Variants in ZSWIM6 observed in about 807,000 individuals in gnomAD.
ZSWIM6 encodes zinc finger SWIM domain-containing protein 6.
A neutral mutation model predicts 113.2 loss-of-function variants in ZSWIM6; 9 were observed. The observed-to-expected ratio is 0.08, with a 90% CI of 0.05 to 0.14. The LOEUF (loss-of-function observed/expected upper bound fraction) is 0.14, where lower values mean the gene tolerates loss of function less well. Among genes scored for constraint, ZSWIM6 ranks in the 10% least tolerant of loss-of-function variants. The probability of loss-of-function intolerance (pLI) is 1.00; values close to 1 mark genes in which losing one functional copy is unlikely to be tolerated. For missense variants in ZSWIM6, 1,162 were observed against 1,552.2 expected, an observed-to-expected ratio of 0.75 and a Z score of 4.22; for synonymous variants, 611 against 606.5, an observed-to-expected ratio of 1.01 and a Z score of -0.11.
rs567069417 is a variant in ZSWIM6 at position 61,429,741 on chromosome 5, G to C, written c.677-42940G>C. Among the ~76,000 whole-genome samples the C allele has an allele frequency of 4.6e-5, 7 of 152,240 alleles. No individual in the cohort carries two copies. The East Asian group carries it at 1.4e-3, about 29-fold the overall frequency. ...TTGTAGTGCAAGGTGTGGGAATGAA[G>C]GCTACTGTCTAGGAGGAAGAAGCAT... is the stretch of plus-strand genomic sequence containing the variant. On this transcript the variant is annotated intron_variant, in intron 1 of 13. Transcript: ENST00000252744.
chr5:61,530,759 C>T (rs1231145002), intron 8 of ZSWIM6, among the ~76,000 whole-genome samples: 1 of 152,172 alleles, frequency 6.6e-6, no homozygotes, highest in Non-Finnish European at 1.5e-5. Flanking sequence ...GGAGGTAAGG[C>T]AGGGAGTAAC....
intron 3 of ZSWIM6, among the ~76,000 whole-genome samples, 186 bp downstream of exon 3, chr5:61,491,120 T>C (rs1318288416): frequency 6.6e-6 from 1 of 152,080 alleles, no homozygotes; most frequent in Non-Finnish European, 1.5e-5. Context: ...AGACAAGATA[T>C]GGGATATTTT....
At chr5:61,539,395 A>G (rs1161742602) in intron 11 of ZSWIM6, among the ~76,000 whole-genome samples, 2 of 152,214 alleles carry the variant, frequency 1.3e-5, no homozygotes, top group Admixed American at 1.3e-4. Flanking sequence ...AGATTCACAG[A>G]CATTGCAGTA....
intron 1 of ZSWIM6, among the ~76,000 whole-genome samples, chr5:61,348,978 C>T (rs971417748): frequency 2.0e-5 from 3 of 151,826 alleles, no homozygotes; most frequent in East Asian, 1.9e-4. Context: ...ATGTAAAAAT[C>T]GGAGAAAATG....
chr5:61,460,056 C>G (rs1204723860), intron 1 of ZSWIM6, among the ~76,000 whole-genome samples: 1 of 152,172 alleles, frequency 6.6e-6, no homozygotes, highest in Non-Finnish European at 1.5e-5. Context: ...TTTTGTCTGG[C>G]ATTATAAGAA....
At chr5:61,541,825 C>T in intron 12 of ZSWIM6, 59 bp from the exon 13 acceptor site, 12 of 1,403,876 alleles carry the variant, frequency 8.5e-6, no homozygotes, top group South Asian at 1.3e-5. Context: ...TATCCCCCCC[C>T]TTTTTTTTCA....
intron 1 of ZSWIM6, among the ~76,000 whole-genome samples, chr5:61,427,496 T>C (rs1746485879): frequency 6.6e-6 from 1 of 152,168 alleles, no homozygotes; most frequent in Non-Finnish European, 1.5e-5. Context: ...TTTTTTCTTT[T>C]TTTATACAGT....
At chr5:61,521,083 A>G (rs1009554737) in intron 4 of ZSWIM6, among the ~76,000 whole-genome samples, 180 bp from the exon 5 acceptor site, 15 of 152,182 alleles carry the variant, frequency 9.9e-5, no homozygotes, top group African/African-American at 3.6e-4. Flanking sequence ...ACCGACTTGG[A>G]TCTCTTTTGA....
intron 4 of ZSWIM6, among the ~76,000 whole-genome samples, chr5:61,512,681 TA>T (rs1172271100): frequency 6.6e-6 from 1 of 152,172 alleles, no homozygotes; most frequent in East Asian, 1.9e-4. Flanking sequence ...AATACGTATA[TA>T]ATGGTATCTC....
At chr5:61,345,008 A>G (rs1300810018) in intron 1 of ZSWIM6, among the ~76,000 whole-genome samples, 1 of 152,204 alleles carries the variant, frequency 6.6e-6, no homozygotes, top group African/African-American at 2.4e-5. Context: ...AGATTTAAGA[A>G]TTGTCTTGTC....
intron 1 of ZSWIM6, among the ~76,000 whole-genome samples, chr5:61,355,312 A>G (rs192143808): frequency 4.6e-5 from 7 of 152,226 alleles, no homozygotes; most frequent in Admixed American, 4.6e-4. Flanking sequence ...GGGCTAGAGA[A>G]AGTCAAGTTG....
chr5:61,517,060 T>A (rs1748966781), intron 4 of ZSWIM6, among the ~76,000 whole-genome samples: 1 of 152,142 alleles, frequency 6.6e-6, no homozygotes, highest in Non-Finnish European at 1.5e-5. Context: ...TTTCTCTGTT[T>A]TCAAGATTTT....
At chr5:61,441,122 A>G (rs7719676) in intron 1 of ZSWIM6, among the ~76,000 whole-genome samples, 118,406 of 152,124 alleles carry the variant, frequency 0.78, 47,305 homozygotes, top group East Asian at 0.98. Flanking sequence ...GAGCTAAGAG[A>G]TTTATATTGT....
intron 1 of ZSWIM6, among the ~76,000 whole-genome samples, chr5:61,392,160 T>C (rs748766026): frequency 2.6e-5 from 4 of 152,224 alleles, no homozygotes; most frequent in Non-Finnish European, 4.4e-5. Flanking sequence ...TTCAATGTTG[T>C]GTTTTCTAGT....
At chr5:61,360,010 G>C (rs1561206641) in intron 1 of ZSWIM6, among the ~76,000 whole-genome samples, 1 of 152,070 alleles carries the variant, frequency 6.6e-6, no homozygotes, top group East Asian at 1.9e-4. Flanking sequence ...GAGAGAGAGA[G>C]AGAGAGAGAG....
At chr5:61,343,042 A>T (rs1175667297) in intron 1 of ZSWIM6, among the ~76,000 whole-genome samples, 1 of 152,226 alleles carries the variant, frequency 6.6e-6, no homozygotes, top group Non-Finnish European at 1.5e-5. Context: ...CAGCAAAGTT[A>T]GGTTTTCAAA....
intron 1 of ZSWIM6, among the ~76,000 whole-genome samples, chr5:61,418,527 G>A (rs553401879): frequency 6.6e-6 from 1 of 152,194 alleles, no homozygotes; most frequent in South Asian, 2.1e-4. Flanking sequence ...CCAAAGTGCC[G>A]GGATTACAGG....
intron 2 of ZSWIM6, among the ~76,000 whole-genome samples, chr5:61,483,949 T>C (rs1048897816): frequency 6.6e-6 from 1 of 151,494 alleles, no homozygotes; most frequent in African/African-American, 2.4e-5. Flanking sequence ...CTATCCAATT[T>C]TAAGGAAAAA....
At chr5:61,440,512 A>G (rs562813765) in intron 1 of ZSWIM6, among the ~76,000 whole-genome samples, 1 of 152,292 alleles carries the variant, frequency 6.6e-6, no homozygotes, top group African/African-American at 2.4e-5. Context: ...TGTCATGAGT[A>G]TTAAAATAAT....
Sources: gnomAD v4.1 joint callset for allele counts (sites outside exome capture counted in the v4.1 genomes callset) on GRCh38, gnomAD v4.1.1 for gene constraint, MANE v1.5 for transcripts, NCBI Gene and HGNC (gene_info 2026-07-23, HGNC 2026-07-21) for gene names.